MCPH1: variants seen among roughly 807,000 people sequenced by gnomAD.
MCPH1 encodes the protein microcephalin 1.
MCPH1 carries 104 observed loss-of-function variants against 84.5 expected under a neutral mutation model. The ratio of observed to expected loss-of-function variants is 1.23; its 90% CI spans 1.05 to 1.45. The LOEUF (loss-of-function observed/expected upper bound fraction) is 1.45. Among genes scored for constraint, MCPH1 ranks in the 40% most tolerant of loss-of-function variants. The pLI is 0.00. For synonymous variants in MCPH1, 514 were observed against 366.8 expected, an observed-to-expected ratio of 1.40 and a Z score of -4.58; for missense variants, 1,498 against 1,005.7, an observed-to-expected ratio of 1.49 and a Z score of -6.62.
At chr8:6,484,485 A>G (rs978733756) in intron 11 of MCPH1, among the ~76,000 whole-genome samples, 1 of 152,260 alleles carries the variant, frequency 6.6e-6, no homozygotes, top group African/African-American at 2.4e-5. Context: ...AGTTTCACAG[A>G]AAGCTAAATG....
intron 11 of MCPH1, among the ~76,000 whole-genome samples, chr8:6,489,770 C>T (rs181785547): frequency 4.3e-4 from 65 of 152,122 alleles, no homozygotes; most frequent in South Asian, 8.3e-4. Flanking sequence ...TAGTGCTTGG[C>T]GATGTGGTTG....
At chr8:6,516,468 C>T (rs1253242288) in intron 12 of MCPH1, among the ~76,000 whole-genome samples, 5 of 152,134 alleles carry the variant, frequency 3.3e-5, no homozygotes, top group Non-Finnish European at 4.4e-5. Flanking sequence ...CATCATGCTG[C>T]CAAAAACAGA....
chr8:6,625,187 T>A, intron 13 of MCPH1: 1 of 985,424 alleles, frequency 1.0e-6, no homozygotes, highest in Non-Finnish European at 1.2e-6. Context: ...AATCACCTAT[T>A]TTCTGTGGAA....
At chr8:6,427,627 A>G (rs1801246014) in intron 3 of MCPH1, among the ~76,000 whole-genome samples, 1 of 151,490 alleles carries the variant, frequency 6.6e-6, no homozygotes, top group Non-Finnish European at 1.5e-5. Context: ...CAGTCCTCCT[A>G]CCTCCGCCTC....
chr8:6,484,434 T>C (rs2440454), intron 11 of MCPH1, among the ~76,000 whole-genome samples: 149,729 of 152,376 alleles, frequency 0.98, 73,617 homozygotes, highest in Non-Finnish European at 1. Context: ...GCTGCTGGTG[T>C]GTGTGGGAAG....
chr8:6,593,067 T>G (rs1828636587), intron 12 of MCPH1, among the ~76,000 whole-genome samples: 1 of 145,332 alleles, frequency 6.9e-6, no homozygotes, highest in Non-Finnish European at 1.5e-5. Flanking sequence ...GGACACTATG[T>G]TTTTTAGGGT....
At chr8:6,638,434 C>T (rs576936227) in intron 13 of MCPH1, among the ~76,000 whole-genome samples, 2 of 152,292 alleles carry the variant, frequency 1.3e-5, no homozygotes, top group South Asian at 2.1e-4. Context: ...AATAAAGTGA[C>T]TTGCCCACCA....
intron 12 of MCPH1, among the ~76,000 whole-genome samples, chr8:6,571,831 T>G (rs375095281): frequency 1.1e-4 from 16 of 152,298 alleles, no homozygotes; most frequent in African/African-American, 3.8e-4. Flanking sequence ...AAGTAGTTTT[T>G]GAAGAATTAT....
intron 10 of MCPH1, among the ~76,000 whole-genome samples, chr8:6,479,459 G>C (rs569300796): frequency 4.0e-5 from 6 of 149,328 alleles, no homozygotes; most frequent in Non-Finnish European, 8.9e-5. Flanking sequence ...TTTTGAGACA[G>C]AGTCTCCCTC....
chr8:6,430,407 G>A (rs1199273272), intron 3 of MCPH1, among the ~76,000 whole-genome samples: 1 of 152,154 alleles, frequency 6.6e-6, no homozygotes, highest in Admixed American at 6.5e-5. Context: ...AAAATCACAC[G>A]TTAGTGTTGT....
intron 12 of MCPH1, among the ~76,000 whole-genome samples, chr8:6,507,042 C>A (rs1296413152): frequency 6.6e-6 from 1 of 151,894 alleles, no homozygotes; most frequent in Non-Finnish European, 1.5e-5. Flanking sequence ...GGATTACAGG[C>A]GTATGCCACC....
Position 6,414,692 on chromosome 8 carries a change from G to T in MCPH1, c.115-73G>T, listed in dbSNP as rs1585591791. On this transcript the variant is annotated intron_variant, in intron 2 of 13. Transcript: ENST00000344683. ...GAGAAACAGAATTGCTGGGGTAGAG[G>T]TTTTTTGATCAGTTGTAGTTAAGTT... 1.9e-6 allele frequency: 3 copies of T among 1,545,068 alleles called. No homozygotes were observed. In the East Asian group the frequency reaches 6.9e-5, roughly 35 times the overall value.
intron 11 of MCPH1, among the ~76,000 whole-genome samples, chr8:6,483,346 T>C (rs370178803): frequency 1.3e-5 from 2 of 152,260 alleles, no homozygotes; most frequent in African/African-American, 4.8e-5. Context: ...TATGGAGATA[T>C]TAAGGAGCCA....
chr8:6,447,179 A>G lies in MCPH1; in HGVS notation c.1825+1632A>G, dbSNP rs1804522836. ...GCCTAAATCGAACCCTTTTATAGTA[A>G]TAAAGATTCATCAATGTTTTAAACT... is the stretch of plus-strand genomic sequence containing the variant. On this transcript the variant is annotated intron_variant, in intron 8 of 13. Transcript: ENST00000344683. 1.2e-5 allele frequency: 12 copies of G among 985,428 alleles called. 1 individual carries two copies. In the South Asian group the frequency reaches 5.6e-4, roughly 46 times the overall value. 61.0% of individuals were successfully genotyped at this position (985,428 alleles called of 1,614,324 possible).
intron 12 of MCPH1, chr8:6,502,883 C>T (rs373673677): frequency 1.3e-5 from 7 of 546,922 alleles, no homozygotes; most frequent in Non-Finnish European, 2.2e-5. Context: ...TGTCTAATCA[C>T]AATTATGGAT....
At chr8:6,416,347 T>G (rs1799299849) in intron 3 of MCPH1, among the ~76,000 whole-genome samples, 1 of 152,266 alleles carries the variant, frequency 6.6e-6, no homozygotes. Context: ...CAGCACACTG[T>G]TGAATAGAAG....
intron 12 of MCPH1, among the ~76,000 whole-genome samples, chr8:6,579,450 C>T (rs1299749515): frequency 6.6e-6 from 1 of 152,170 alleles, no homozygotes; most frequent in South Asian, 2.1e-4. Context: ...GTTGGCAGAG[C>T]TGGATTGTCT....
In MCPH1 at chr8:6,643,760, T is replaced by C. The variant is rs1275847832; in HGVS notation, c.*711T>C. On this transcript the variant is annotated 3_prime_UTR_variant, in exon 14 of 14. Coordinates refer to ENST00000344683, the MANE Select transcript of MCPH1 (RefSeq NM_024596.5). The stretch of plus-strand genomic sequence containing the variant: ...TAAGGTGACTTTTATCTAGCGGAGA[T>C]TCCTCTCTTAAAGTAATGAAAGGAG... 6.8e-6 allele frequency: 1 copy of C among 147,674 alleles called. No individual in the cohort carries two copies. Among genetic ancestry groups the C allele is most frequent in the East Asian group, 2.0e-4 (1 of 5,116 alleles). The allele number at this position is 147,674 out of a possible 1,614,324, so 9.1% of individuals were successfully genotyped here.
At chr8:6,498,083 T>G (rs930940155) in intron 11 of MCPH1, among the ~76,000 whole-genome samples, 63 of 152,234 alleles carry the variant, frequency 4.1e-4, no homozygotes, top group African/African-American at 1.5e-3. Context: ...CAGATGCAGT[T>G]CCTATTTAAA....
Sources: gnomAD v4.1 joint callset for allele counts (sites outside exome capture counted in the v4.1 genomes callset) on GRCh38, gnomAD v4.1.1 for gene constraint, MANE v1.5 for transcripts, NCBI Gene and HGNC (gene_info 2026-07-23, HGNC 2026-07-21) for gene names.